TTC6: variants seen among roughly 807,000 people sequenced by gnomAD.
The protein encoded by TTC6 is tetratricopeptide repeat domain 6.
In TTC6, 172 loss-of-function variants were observed where a neutral mutation model predicts 210.4. The observed-to-expected ratio is 0.82, with a 90% CI of 0.72 to 0.93. TTC6 has a LOEUF of 0.93. Ranked by LOEUF, TTC6 falls within the 40% of genes least tolerant of loss-of-function variation. The probability of loss-of-function intolerance (pLI) is 0.00; values close to 1 mark genes in which losing one functional copy is unlikely to be tolerated. For missense variants in TTC6, 2,414 were observed against 2,318.1 expected (o/e 1.04, Z -0.85); for synonymous variants, 804 against 819.6 (o/e 0.98, Z 0.32).
chr14:37,760,621 C>T (rs544557845), intron 14 of TTC6, among the ~76,000 whole-genome samples: 5 of 152,290 alleles, frequency 3.3e-5, no homozygotes, highest in Admixed American at 2.6e-4. Flanking sequence ...CCCACAGCTG[C>T]CCCTTTCCTC....
chr14:37,771,409 G>T (rs2096018206), intron 14 of TTC6, among the ~76,000 whole-genome samples: 1 of 152,042 alleles, frequency 6.6e-6, no homozygotes, highest in Non-Finnish European at 1.5e-5. Flanking sequence ...TTTCCAACTT[G>T]GTTCCATTCT....
intron 1 of TTC6, among the ~76,000 whole-genome samples, chr14:37,654,794 T>C (rs2095718991): frequency 6.6e-6 from 1 of 152,194 alleles, no homozygotes; most frequent in Non-Finnish European, 1.5e-5. Flanking sequence ...ATATAGTTGA[T>C]ATCCAGACAA....
At chr14:37,831,508 G>A (rs969585388) in intron 29 of TTC6, among the ~76,000 whole-genome samples, 1 of 152,078 alleles carries the variant, frequency 6.6e-6, no homozygotes, top group Non-Finnish European at 1.5e-5. Context: ...GTTTTCCATA[G>A]TAGCTCTACT....
intron 14 of TTC6, among the ~76,000 whole-genome samples, chr14:37,782,206 A>C (rs1212398156): frequency 6.6e-6 from 1 of 152,040 alleles, no homozygotes; most frequent in African/African-American, 2.4e-5. Flanking sequence ...GAATCTATAA[A>C]TTACCTTTGG....
chr14:37,717,468 C>G (rs549169238), intron 6 of TTC6, among the ~76,000 whole-genome samples: 2 of 152,132 alleles, frequency 1.3e-5, no homozygotes, highest in East Asian at 3.9e-4. Flanking sequence ...AAGAAATTCT[C>G]GAAAAACACA....
rs952313129 is a variant in TTC6 at position 37,807,308 on chromosome 14, C to T, written c.4315-12C>T. 11 of 1,502,866 alleles carry T rather than the reference C, an allele frequency of 7.3e-6. No individual in the cohort carries two copies. The highest frequency in any genetic ancestry group is 9.8e-6 in the Non-Finnish European group (11 of 1,123,536). The allele number at this position is 1,502,866 out of a possible 1,614,324, so 93.1% of individuals were successfully genotyped here. Reference sequence around the variant, plus strand: ...GCATCCATTCCTGCTTTCTCTCTCTCTCTCTGAATAGGCATATTTAAGCCG... The same window carrying T: ...GCATCCATTCCTGCTTTCTCTCTCTTTCTCTGAATAGGCATATTTAAGCCG... On this transcript the variant is annotated splice_polypyrimidine_tract_variant and intron_variant, in intron 22 of 30. Coordinates refer to ENST00000553443, the Ensembl canonical transcript of TTC6.
rs4901176 is a variant in TTC6, at chr14:37,753,086, G to C, written c.3130-13G>C. 0.94 allele frequency: 1,427,854 copies of C among 1,519,468 alleles called. 672,866 individuals carry two copies. Among genetic ancestry groups the C allele is most frequent in the East Asian group, 1 (40,722 of 40,730 alleles). 94.1% of individuals were successfully genotyped at this position (1,519,468 alleles called of 1,614,324 possible). A position where few individuals can be genotyped will look rare whatever the true frequency, so the allele number is the denominator to read the frequency against. ...ATTTTGTGATGTTTATGTACCTCCC[G>C]CTGTCCCTATAGTGTATTTTTTATG... is the stretch of plus-strand genomic sequence containing the variant. On this transcript the variant is annotated splice_polypyrimidine_tract_variant and intron_variant, in intron 13 of 30. Coordinates refer to ENST00000553443, the Ensembl canonical transcript of TTC6.
intron 14 of TTC6, among the ~76,000 whole-genome samples, chr14:37,768,862 G>A (rs1465011503): frequency 6.6e-6 from 1 of 151,568 alleles, no homozygotes; most frequent in African/African-American, 2.4e-5. Context: ...GTGAGAAAGG[G>A]CATCCCTGTC....
At chr14:37,785,658 G>T (rs559047027) in intron 14 of TTC6, among the ~76,000 whole-genome samples, 1 of 152,118 alleles carries the variant, frequency 6.6e-6, no homozygotes, top group Non-Finnish European at 1.5e-5. Context: ...GCTTTGTTCC[G>T]TTGCTGGCGA....
chr14:37,778,474 T>C (rs978971974), intron 14 of TTC6, among the ~76,000 whole-genome samples: 2 of 151,356 alleles, frequency 1.3e-5, no homozygotes, highest in Admixed American at 6.6e-5. Flanking sequence ...CAGAGTATGC[T>C]CATGCCAGCA....
intron 1 of TTC6, among the ~76,000 whole-genome samples, chr14:37,605,316 G>A (rs2095623175): frequency 6.6e-6 from 1 of 152,224 alleles, no homozygotes; most frequent in Non-Finnish European, 1.5e-5. Flanking sequence ...GATGGGCTAA[G>A]AAGGTCCTGC....
At chr14:37,653,414 G>A (rs1196449243) in intron 1 of TTC6, among the ~76,000 whole-genome samples, 1 of 152,120 alleles carries the variant, frequency 6.6e-6, no homozygotes, top group African/African-American at 2.4e-5. Flanking sequence ...TTATTTGGAT[G>A]TTGGGGGTCT....
chr14:37,795,418 T>G, intron 18 of TTC6, 66 bp downstream of exon 20: 1 of 1,084,666 alleles, frequency 9.2e-7, no homozygotes, highest in Non-Finnish European at 1.3e-6. Flanking sequence ...ATGGGGATCT[T>G]CAGTTCCCTC....
intron 27 of TTC6, among the ~76,000 whole-genome samples, chr14:37,824,994 C>T (rs2096167349): frequency 6.6e-6 from 1 of 152,066 alleles, no homozygotes; most frequent in African/African-American, 2.4e-5. Context: ...GAAGATCTCA[C>T]TGGGTGTATA....
At chr14:37,654,689 AT>A (rs1206024182) in intron 1 of TTC6, among the ~76,000 whole-genome samples, 2 of 152,232 alleles carry the variant, frequency 1.3e-5, no homozygotes, top group Non-Finnish European at 2.9e-5. Flanking sequence ...CCTTAAGAAA[AT>A]AGAAGAACTG....
At chr14:37,707,783 G>T (rs1440272343) in intron 5 of TTC6, among the ~76,000 whole-genome samples, 14 of 152,066 alleles carry the variant, frequency 9.2e-5, no homozygotes, top group Non-Finnish European at 2.9e-5. Flanking sequence ...TTTGAATGAA[G>T]ACAAGTTATT....
intron 14 of TTC6, among the ~76,000 whole-genome samples, chr14:37,769,439 T>C (rs2096010633): frequency 1.3e-5 from 2 of 152,200 alleles, no homozygotes; most frequent in African/African-American, 4.8e-5. Flanking sequence ...TCCTGGACTC[T>C]TTTTGGTTGG....
chr14:37,719,067 A>T (rs2093572), intron 6 of TTC6, among the ~76,000 whole-genome samples: 1 of 152,212 alleles, frequency 6.6e-6, no homozygotes, highest in African/African-American at 2.4e-5. Flanking sequence ...ACAGATGAAC[A>T]TGTACTGAAA....
intron 5 of TTC6, among the ~76,000 whole-genome samples, chr14:37,706,058 CA>C (rs2095834869): frequency 6.6e-6 from 1 of 152,060 alleles, no homozygotes; most frequent in Admixed American, 6.6e-5. Flanking sequence ...ACAGGAAGAG[CA>C]GTGATACATT....
Sources: allele counts gnomAD v4.1 joint callset (sites outside exome capture counted in the v4.1 genomes callset), GRCh38; gene constraint gnomAD v4.1.1; transcripts MANE v1.5; gene names NCBI Gene and HGNC (gene_info 2026-07-23, HGNC 2026-07-21).